PCDHA9: variants seen among roughly 807,000 people sequenced by gnomAD.
PCDHA9 encodes protocadherin alpha-9.
A neutral mutation model predicts 62.0 loss-of-function variants in PCDHA9; 62 were observed. The observed-to-expected ratio is 1.00, with a 90% CI of 0.81 to 1.23. The LOEUF is 1.23. Ranked by LOEUF, PCDHA9 falls within the 50% of genes most tolerant of loss-of-function variation. PCDHA9 has a pLI of 0.00. For missense variants in PCDHA9, 1,205 were observed against 1,249.8 expected, an observed-to-expected ratio of 0.96 and a Z score of 0.54; for synonymous variants, 557 against 567.6, an observed-to-expected ratio of 0.98 and a Z score of 0.27.
At position 140,977,766 on chromosome 5, in the gene PCDHA9, G is replaced by C. The variant is rs559146656; in HGVS notation, c.2395-1183G>C. ...AAGAAATGTGTTTATTAAATACTTTGCATCCCTTAAAGGAACTATATGAAT... is the reference window on the plus strand; with the variant it reads ...AAGAAATGTGTTTATTAAATACTTTCCATCCCTTAAAGGAACTATATGAAT... On this transcript the variant is annotated intron_variant, in intron 1 of 3. Coordinates refer to ENST00000532602, the MANE Select transcript of PCDHA9 (RefSeq NM_031857.2). Among the ~76,000 whole-genome samples, 3 of 152,272 alleles carry C rather than the reference G, an allele frequency of 2.0e-5. No homozygotes were observed. In the South Asian group the frequency reaches 6.2e-4, roughly 32 times the overall value.
intron 3 of PCDHA9, among the ~76,000 whole-genome samples, chr5:141,001,134 T>A (rs370176335): frequency 4.7e-4 from 72 of 152,158 alleles, no homozygotes; most frequent in African/African-American, 1.7e-3. Context: ...AACAAATGAA[T>A]CTTCTGTTGC....
chr5:140,887,670 C>A (rs368430565), intron 1 of PCDHA9, among the ~76,000 whole-genome samples: 2 of 151,988 alleles, frequency 1.3e-5, no homozygotes, highest in Non-Finnish European at 2.9e-5. Flanking sequence ...GTGGATTTAT[C>A]ATTTTCATCA....
intron 1 of PCDHA9, chr5:140,876,814 G>A (rs571648883): frequency 1.1e-5 from 18 of 1,614,108 alleles, no homozygotes; most frequent in Non-Finnish European, 1.5e-5. Context: ...GGTGGCCGAC[G>A]TGAACGACAA....
chr5:140,879,539 A>G (rs1554170849), intron 1 of PCDHA9, among the ~76,000 whole-genome samples: 1 of 152,238 alleles, frequency 6.6e-6, no homozygotes, highest in Non-Finnish European at 1.5e-5. Flanking sequence ...CAACTCCTTT[A>G]GAGAAAAAAA....
intron 1 of PCDHA9, among the ~76,000 whole-genome samples, chr5:140,879,010 G>C (rs2057809352): frequency 6.6e-6 from 1 of 152,200 alleles, no homozygotes; most frequent in Non-Finnish European, 1.5e-5. Context: ...CTAGAAATCA[G>C]ATAATGTTTT....
At chr5:140,941,255 C>CTTTCTT (rs782490896) in intron 1 of PCDHA9, among the ~76,000 whole-genome samples, 957 of 44,428 alleles carry the variant, frequency 0.022, 12 homozygotes, top group African/African-American at 0.028. Flanking sequence ...TTCTTTCTTT[C>CTTTCTT]TCTTTCTTTC....
At chr5:141,006,077 T>C (rs1554260547) in intron 3 of PCDHA9, among the ~76,000 whole-genome samples, 1 of 150,908 alleles carries the variant, frequency 6.6e-6, no homozygotes, top group East Asian at 1.9e-4. Flanking sequence ...ATCAGATTAT[T>C]GAAGGGACTT....
Sources: gnomAD v4.1 joint callset for allele counts (sites outside exome capture counted in the v4.1 genomes callset) on GRCh38, gnomAD v4.1.1 for gene constraint, MANE v1.5 for transcripts, NCBI Gene and HGNC (gene_info 2026-07-23, HGNC 2026-07-21) for gene names.